The following MCC variants were observed in gnomAD, a reference collection of about 807,000 sequenced individuals.
MCC encodes MCC regulator of Wnt signaling pathway.
MCC carries 90 observed loss-of-function variants against 116.2 expected under a neutral mutation model. That is an observed-to-expected ratio of 0.77 (90% CI 0.65 to 0.92). The LOEUF (loss-of-function observed/expected upper bound fraction) is 0.92. Among genes scored for constraint, MCC ranks in the 40% least tolerant of loss-of-function variants. MCC has a pLI of 0.00. For synonymous variants in MCC, 578 were observed against 510.5 expected, an observed-to-expected ratio of 1.13 and a Z score of -1.78; for missense variants, 1,516 against 1,312.2, an observed-to-expected ratio of 1.16 and a Z score of -2.40.
At position 113,162,393 on chromosome 5, in the gene MCC, A is replaced by G. The variant is rs1760537042; in HGVS notation, c.628-10971T>C. On this transcript the variant is annotated intron_variant, in intron 3 of 18. Transcript: ENST00000408903. Reference sequence around the variant, plus strand: ...GTCTACTCATCTTTAAAATGGGAACAACACCCACTCATTCTAGTTGAGAAG... The same window carrying G: ...GTCTACTCATCTTTAAAATGGGAACGACACCCACTCATTCTAGTTGAGAAG... 2.0e-5 allele frequency among the ~76,000 whole-genome samples: 3 copies of G among 152,362 alleles called. No homozygotes were observed. In the South Asian group the frequency reaches 6.2e-4, roughly 32 times the overall value.
intron 1 of MCC, among the ~76,000 whole-genome samples, chr5:113,460,613 G>A (rs571856511): frequency 2.6e-5 from 4 of 152,298 alleles, no homozygotes; most frequent in East Asian, 1.9e-4. Flanking sequence ...CACGCTGTAC[G>A]CTGTGTGCCT....
intron 3 of MCC, among the ~76,000 whole-genome samples, chr5:113,184,485 T>G (rs1028008244): frequency 3.4e-5 from 5 of 148,590 alleles, no homozygotes; most frequent in South Asian, 2.1e-4. Context: ...TTTTGTTTTT[T>G]TTTTTTTTTT....
At position 113,025,492 on chromosome 5, in the gene MCC, T is replaced by TGGC. The variant is rs1468873458; in HGVS notation, c.*1807_*1809dup. Reference sequence around the variant, plus strand: ...ATACAAAAAAACTAGCTGGGTATGGTGGCGGGCACCTGTAATTCCAGCTAC... The same window carrying TGGC: ...ATACAAAAAAACTAGCTGGGTATGGTGGCGGCGGGCACCTGTAATTCCAGCTAC... On this transcript the variant is annotated 3_prime_UTR_variant, in exon 19 of 19. Transcript: ENST00000408903. 6.7e-6 allele frequency: 1 copy of TGGC among 148,306 alleles called. No homozygotes were observed. Among genetic ancestry groups the TGGC allele is most frequent in the East Asian group, 2.0e-4 (1 of 4,978 alleles). The allele number at this position is 148,306 out of a possible 1,614,324, so 9.2% of individuals were successfully genotyped here. A position where few individuals can be genotyped will look rare whatever the true frequency, so the allele number is the denominator to read the frequency against.
In MCC at chr5:113,044,860, C is replaced by T. The variant is rs751458901; in HGVS notation, c.2656-1230G>A. Among the ~76,000 whole-genome samples the T allele has an allele frequency of 3.6e-4, 55 of 152,228 alleles. 1 individual carries two copies. The highest frequency in any genetic ancestry group is 6.5e-4 in the Non-Finnish European group (44 of 68,044). On this transcript the variant is annotated intron_variant, in intron 16 of 18. Transcript: ENST00000408903. The stretch of plus-strand genomic sequence containing the variant: ...AAGTGCTGGGATCACAGGCGTGAGC[C>T]ACCGCACCTGGCCATAAACAGAAAA...
chr5:113,053,992 C>T, intron 14 of MCC, 33 bp from the exon 15 acceptor site: 1 of 1,473,430 alleles, frequency 6.8e-7, no homozygotes, highest in Non-Finnish European at 9.5e-7. Context: ...ACCCACCACC[C>T]TGTGTTATTC....
intron 2 of MCC, among the ~76,000 whole-genome samples, chr5:113,379,248 C>T (rs1387171292): frequency 6.6e-6 from 1 of 152,216 alleles, no homozygotes; most frequent in Non-Finnish European, 1.5e-5. Context: ...TGAGTGTTCT[C>T]TATTCCTTAC....
intron 11 of MCC, among the ~76,000 whole-genome samples, chr5:113,077,802 A>C (rs756829518): frequency 8.5e-5 from 13 of 152,220 alleles, no homozygotes; most frequent in Non-Finnish European, 1.8e-4. Flanking sequence ...GAAAAAACTA[A>C]GATCAGAGCA....
chr5:113,457,171 T>G (rs1169682689), intron 1 of MCC, among the ~76,000 whole-genome samples: 3 of 152,196 alleles, frequency 2.0e-5, no homozygotes, highest in Non-Finnish European at 2.9e-5. Context: ...GAACCGGGGC[T>G]GCCTGCAGCG....
intron 14 of MCC, among the ~76,000 whole-genome samples, chr5:113,058,995 G>C (rs1753024844): frequency 6.6e-6 from 1 of 152,176 alleles, no homozygotes; most frequent in South Asian, 2.1e-4. Context: ...GAATGGACTT[G>C]AGAAATCACC....
intron 5 of MCC, among the ~76,000 whole-genome samples, chr5:113,127,271 T>C (rs1758112171): frequency 1.3e-5 from 2 of 152,262 alleles, no homozygotes; most frequent in African/African-American, 4.8e-5. Context: ...TTTAGGTTGA[T>C]TCCATGTCTT....
At chr5:113,169,238 G>C (rs1056683239) in intron 3 of MCC, among the ~76,000 whole-genome samples, 1 of 152,114 alleles carries the variant, frequency 6.6e-6, no homozygotes, top group East Asian at 1.9e-4. Flanking sequence ...GAATGGATAG[G>C]CTGTATACAT....
intron 3 of MCC, among the ~76,000 whole-genome samples, chr5:113,201,904 G>A (rs1041731428): frequency 4.6e-5 from 7 of 152,060 alleles, no homozygotes; most frequent in African/African-American, 1.7e-4. Context: ...CAAGTAACAC[G>A]CTGTCAGGCA....
At chr5:113,151,020 G>C (rs1198290619) in intron 4 of MCC, among the ~76,000 whole-genome samples, 3 of 152,186 alleles carry the variant, frequency 2.0e-5, no homozygotes, top group Non-Finnish European at 4.4e-5. Flanking sequence ...CTCCAGCTTG[G>C]GTGACAGAGC....
rs1166574951 is a variant in MCC at position 113,434,335 on chromosome 5, T to C, written c.171-49123A>G. Reference sequence around the variant, plus strand: ...CCACAGAAGGTCTTGCTTAATGCCATTCGACCACTGTCATCCCGCAGGCAG... The same window carrying C: ...CCACAGAAGGTCTTGCTTAATGCCACTCGACCACTGTCATCCCGCAGGCAG... On this transcript the variant is annotated intron_variant, in intron 1 of 18. Transcript: ENST00000408903. This position sits in a 1 kb window ranked among gnomAD's most constrained non-coding sequence, Gnocchi z 4.2. 6.2e-7 allele frequency: 1 copy of C among 1,613,846 alleles called. No homozygotes were observed. The highest frequency in any genetic ancestry group is 1.7e-5 in the Admixed American group (1 of 60,018).
At chr5:113,295,245 C>G (rs982380402) in intron 3 of MCC, among the ~76,000 whole-genome samples, 12 of 151,704 alleles carry the variant, frequency 7.9e-5, no homozygotes, top group African/African-American at 2.9e-4. Flanking sequence ...TTAATAAGGT[C>G]AAGACAAACC....
chr5:113,354,450 T>TTTC (rs35666682), intron 2 of MCC, among the ~76,000 whole-genome samples: 2 of 151,576 alleles, frequency 1.3e-5, no homozygotes, highest in Non-Finnish European at 2.9e-5. Context: ...TTTTTTTTTT[T>TTTC]CTGAGACAGA....
chr5:113,294,185 A>G, intron 3 of MCC: 1 of 1,000,246 alleles, frequency 1.0e-6, no homozygotes, highest in East Asian at 2.5e-5. Flanking sequence ...GATCCAGAAA[A>G]TCTACTAATC....
chr5:113,022,463 CAA>C lies in MCC; in HGVS notation c.*4837_*4838del, dbSNP rs1395127086. On this transcript the variant is annotated 3_prime_UTR_variant, in exon 19 of 19. Transcript: ENST00000408903. ...TAGCACATATTCAAATAATAGGAAA[CAA>C]ATCTCATGCAAAGTAAATAAATCTT... The C allele has an allele frequency of 2.0e-5, 3 of 152,588 alleles. No individual in the cohort carries two copies. Among genetic ancestry groups the C allele is most frequent in the African/African-American group, 7.2e-5 (3 of 41,452 alleles). The allele number at this position is 152,588 out of a possible 1,614,324, so 9.5% of individuals were successfully genotyped here. A position where few individuals can be genotyped will look rare whatever the true frequency, so the allele number is the denominator to read the frequency against.
At chr5:113,428,377 G>T (rs1770537516) in intron 1 of MCC, among the ~76,000 whole-genome samples, 1 of 152,184 alleles carries the variant, frequency 6.6e-6, no homozygotes, top group South Asian at 2.1e-4. Context: ...TCTCTCAGCT[G>T]CCAGCAGGGT....
Sources: gnomAD v4.1 joint callset for allele counts (sites outside exome capture counted in the v4.1 genomes callset) on GRCh38, gnomAD v4.1.1 for gene constraint, Gnocchi (gnomAD v3.1) non-coding constraint, MANE v1.5 for transcripts, NCBI Gene and HGNC (gene_info 2026-07-23, HGNC 2026-07-21) for gene names.